Variants in ZNF385D observed in about 807,000 individuals in gnomAD.
ZNF385D encodes the protein zinc finger protein 385D.
In ZNF385D, 15 loss-of-function variants were observed where a neutral mutation model predicts 35.8. The ratio of observed to expected loss-of-function variants is 0.42; its 90% confidence interval spans 0.28 to 0.64. The LOEUF is 0.64. ZNF385D is among the 30% of genes least tolerant of loss of function. ZNF385D has a pLI of 0.23. For synonymous variants in ZNF385D, 212 were observed against 186.8 expected (o/e 1.13, Z -1.10); for missense variants, 474 against 494.6 (o/e 0.96, Z 0.39).
At chr3:22,361,296 A>C (rs1350274047) in intron 2 of ZNF385D, among the ~76,000 whole-genome samples, 1 of 152,086 alleles carries the variant, frequency 6.6e-6, no homozygotes, top group East Asian at 1.9e-4. Context: ...TGGGCATGGA[A>C]AGCAAGCAAT....
chr3:21,961,142 C>T (rs1373532736), intron 3 of ZNF385D, among the ~76,000 whole-genome samples: 1 of 151,844 alleles, frequency 6.6e-6, no homozygotes, highest in Non-Finnish European at 1.5e-5. Context: ...GTATTATACA[C>T]TGTATACATG....
chr3:21,530,012 A>T (rs939454588), intron 3 of ZNF385D, among the ~76,000 whole-genome samples: 1 of 152,042 alleles, frequency 6.6e-6, no homozygotes, highest in African/African-American at 2.4e-5. Flanking sequence ...TGATTGACTT[A>T]GTGCCATCCC....
At chr3:22,266,413 G>A (rs751577630) in intron 2 of ZNF385D, among the ~76,000 whole-genome samples, 48 of 151,968 alleles carry the variant, frequency 3.2e-4, no homozygotes, top group South Asian at 8.3e-4. Context: ...TAAAACCAGC[G>A]GGTAAGAAGA....
intron 2 of ZNF385D, among the ~76,000 whole-genome samples, chr3:22,175,476 G>C (rs1033093770): frequency 3.3e-5 from 5 of 151,990 alleles, no homozygotes; most frequent in Non-Finnish European, 7.4e-5. Flanking sequence ...AAGCTATTAG[G>C]TGATTTGAAA....
At chr3:21,839,790 G>A (rs1050557038) in intron 3 of ZNF385D, among the ~76,000 whole-genome samples, 6 of 151,942 alleles carry the variant, frequency 3.9e-5, no homozygotes, top group African/African-American at 7.2e-5. Context: ...GCAATCAAAT[G>A]CCTGACCTGC....
chr3:22,229,692 C>G (rs114756562), intron 2 of ZNF385D, among the ~76,000 whole-genome samples: 2,835 of 152,220 alleles, frequency 0.019, 43 homozygotes, highest in Non-Finnish European at 0.029. Flanking sequence ...TTCTCAGGAC[C>G]CTGGCCTGAT....
At chr3:21,916,595 T>C (rs1261290368) in intron 3 of ZNF385D, among the ~76,000 whole-genome samples, 1 of 152,196 alleles carries the variant, frequency 6.6e-6, no homozygotes, top group Non-Finnish European at 1.5e-5. Context: ...ATTTTTCTAG[T>C]ATAGCCTATA....
intron 2 of ZNF385D, among the ~76,000 whole-genome samples, chr3:22,313,618 G>T (rs1703715130): frequency 6.6e-6 from 1 of 152,036 alleles, no homozygotes; most frequent in South Asian, 2.1e-4. Context: ...TTAAGCTAAG[G>T]CAAAGTGATA....
chr3:22,071,161 G>A (rs1265934801), intron 3 of ZNF385D, among the ~76,000 whole-genome samples: 1 of 152,126 alleles, frequency 6.6e-6, no homozygotes, highest in Non-Finnish European at 1.5e-5. Flanking sequence ...GCATATGTTT[G>A]CATTACAACT....
intron 3 of ZNF385D, among the ~76,000 whole-genome samples, chr3:21,758,863 A>G (rs1481640993): frequency 1.3e-5 from 2 of 151,434 alleles, no homozygotes; most frequent in Admixed American, 6.6e-5. Flanking sequence ...TATAATAGAT[A>G]TTATAACCAA....
chr3:22,088,654 T>G (rs969313738), intron 3 of ZNF385D, among the ~76,000 whole-genome samples: 1 of 152,176 alleles, frequency 6.6e-6, no homozygotes, highest in Non-Finnish European at 1.5e-5. Context: ...GATGGAGCTG[T>G]GTGGGACCAT....
chr3:22,334,376 AAT>A lies in ZNF385D; in HGVS notation c.106+38072_106+38073del, dbSNP rs1456782920. On this transcript the variant is annotated intron_variant, in intron 2 of 5. Coordinates refer to the ZNF385D transcript ENST00000494108. ...AAGCCTAAGAATCAAAGGGCTTTCT[AAT>A]ATGTTAGTTCCATTTACCCTTTCCA... Among the ~76,000 whole-genome samples, 11 of 152,156 alleles carry A rather than the reference AAT, an allele frequency of 7.2e-5. No homozygotes were observed. The South Asian group carries it at 2.1e-3, about 29-fold the overall frequency.
At chr3:21,564,458 G>T in intron 3 of ZNF385D, 116 bp downstream of exon 3, 1 of 540,252 alleles carries the variant, frequency 1.9e-6, no homozygotes, top group Non-Finnish European at 3.0e-6. Context: ...TGTTATCTTT[G>T]AATTTTGACA....
chr3:21,645,957 C>T (rs1315086790), intron 2 of ZNF385D, among the ~76,000 whole-genome samples: 1 of 152,098 alleles, frequency 6.6e-6, no homozygotes, highest in East Asian at 1.9e-4. Context: ...AATTTGTCTT[C>T]TACCTCAAAA....
chr3:21,936,016 G>T lies in ZNF385D; in HGVS notation c.325+232801C>A, dbSNP rs188397478. 5.3e-5 allele frequency among the ~76,000 whole-genome samples: 8 copies of T among 152,198 alleles called. No homozygotes were observed. The South Asian group carries it at 1.7e-3, about 32-fold the overall frequency. On this transcript the variant is annotated intron_variant, in intron 3 of 5. Coordinates refer to the ZNF385D transcript ENST00000494108. Reference sequence around the variant, plus strand: ...TTAAGGAGAGAAATGGAAGATGAAAGCCATTTCATCTGGTCTCTTGAAAGG... The same window carrying T: ...TTAAGGAGAGAAATGGAAGATGAAATCCATTTCATCTGGTCTCTTGAAAGG...
chr3:21,935,845 G>A (rs7628630), intron 3 of ZNF385D, among the ~76,000 whole-genome samples: 83,534 of 151,944 alleles, frequency 0.55, 24,647 homozygotes, highest in South Asian at 0.66. Context: ...CTTCTAAGCA[G>A]GAGTCCACAT....
At chr3:21,756,143 A>C (rs2070329585), upstream of ZNF385D, among the ~76,000 whole-genome samples, 1 of 152,172 alleles carries the variant, frequency 6.6e-6, no homozygotes, top group African/African-American at 2.4e-5. Flanking sequence ...GGACAGATGT[A>C]AGGTGACGGG....
At chr3:21,686,266 T>C (rs1267136981) in intron 1 of ZNF385D, among the ~76,000 whole-genome samples, 5 of 152,220 alleles carry the variant, frequency 3.3e-5, no homozygotes, top group Non-Finnish European at 5.9e-5. Context: ...AAATTGTTAT[T>C]GTGTTTGGAT....
intron 3 of ZNF385D, among the ~76,000 whole-genome samples, chr3:21,865,582 CG>C (rs1355444809): frequency 6.6e-6 from 1 of 152,022 alleles, no homozygotes; most frequent in Non-Finnish European, 1.5e-5. Context: ...AATTTCAAAG[CG>C]TCATACATTG....
Sources: allele counts gnomAD v4.1 joint callset (sites outside exome capture counted in the v4.1 genomes callset), GRCh38; gene constraint gnomAD v4.1.1; transcripts MANE v1.5; gene names NCBI Gene and HGNC (gene_info 2026-07-23, HGNC 2026-07-21).